Variants in SHANK2 observed in about 807,000 individuals in gnomAD.
SHANK2 encodes SH3 and multiple ankyrin repeat domains 2.
A neutral mutation model predicts 133.7 loss-of-function variants in SHANK2; 43 were observed. The observed-to-expected ratio is 0.32, with a 90% confidence interval of 0.25 to 0.41. The LOEUF (loss-of-function observed/expected upper bound fraction) is 0.41. Ranked by LOEUF, SHANK2 falls within the 10% of genes least tolerant of loss-of-function variation. The pLI is 1.00. For missense variants in SHANK2, 1,994 were observed against 2,235.8 expected (o/e 0.89, Z 2.18); for synonymous variants, 1,017 against 952.8 (o/e 1.07, Z -1.24).
chr11:71,151,724 G>A (rs1183808093), intron 2 of SHANK2, among the ~76,000 whole-genome samples: 1 of 152,236 alleles, frequency 6.6e-6, no homozygotes. Context: ...CTGGCACAGA[G>A]CAGACACGGC....
At chr11:70,682,138 C>T (rs1029000697) in intron 15 of SHANK2, among the ~76,000 whole-genome samples, 4 of 152,280 alleles carry the variant, frequency 2.6e-5, no homozygotes, top group African/African-American at 7.2e-5. Context: ...CCGACAGAAA[C>T]GCACCCTCAA....
chr11:70,744,231 G>C (rs913119661), intron 14 of SHANK2, among the ~76,000 whole-genome samples: 21 of 152,238 alleles, frequency 1.4e-4, no homozygotes, highest in Admixed American at 6.5e-4. Flanking sequence ...GGCACAGGGT[G>C]GGTCTCTGGC....
At chr11:70,847,067 G>C (rs1180534735) in intron 11 of SHANK2, among the ~76,000 whole-genome samples, 2 of 152,220 alleles carry the variant, frequency 1.3e-5, no homozygotes, top group Non-Finnish European at 2.9e-5. Flanking sequence ...ACAGAGGAGA[G>C]GTGGAGGCCC....
rs1164874374 is a variant in SHANK2 at position 71,147,230 on chromosome 11, TG to T, written c.96del (p.Ile33SerfsTer26). 1 of 1,550,798 alleles carries T rather than the reference TG, an allele frequency of 6.4e-7. No individual in the cohort carries two copies. The highest frequency in any genetic ancestry group is 8.7e-7 in the Non-Finnish European group (1 of 1,146,966). On this transcript the variant is annotated frameshift_variant, in exon 3 of 26. Coordinates refer to ENST00000601538, the MANE Select transcript of SHANK2 (RefSeq NM_012309.5). LOFTEE classifies it high-confidence loss of function. ...GCAGTGGCCCGGATCGTGTCATAGA[TG>T]GTCTCTTCTTTGGAGCTGTCTGACT... ...GSESDSSKEE[T>X]IYDTIRATAE...
intron 14 of SHANK2, among the ~76,000 whole-genome samples, chr11:70,721,054 G>T (rs1214456643): frequency 1.3e-5 from 2 of 152,244 alleles, no homozygotes; most frequent in Non-Finnish European, 2.9e-5. Context: ...AGGCAGGCCT[G>T]AGGTGAGATC....
At chr11:71,062,952 G>A (rs1041541082) in intron 9 of SHANK2, among the ~76,000 whole-genome samples, 7 of 144,318 alleles carry the variant, frequency 4.9e-5, no homozygotes, top group East Asian at 2.0e-4. Context: ...AGCTGTGATC[G>A]TGCCACTGCA....
intron 14 of SHANK2, among the ~76,000 whole-genome samples, chr11:70,756,152 A>G (rs1378831995): frequency 6.6e-6 from 1 of 152,092 alleles, no homozygotes; most frequent in Non-Finnish European, 1.5e-5. Flanking sequence ...CAGCTCCCCC[A>G]GAGGCAGGTT....
intron 17 of SHANK2, among the ~76,000 whole-genome samples, chr11:70,540,557 G>A (rs903176334): frequency 1.9e-4 from 8 of 42,154 alleles, no homozygotes; most frequent in South Asian, 1.1e-3. Flanking sequence ...ATTAGCGACG[G>A]GGGGTGAGCT....
intron 12 of SHANK2, among the ~76,000 whole-genome samples, chr11:70,818,949 G>A (rs1410829852): frequency 6.6e-6 from 1 of 152,246 alleles, no homozygotes; most frequent in Admixed American, 6.5e-5. Flanking sequence ...AGCTTGCCAG[G>A]TGGAGCCCCT....
intron 2 of SHANK2, among the ~76,000 whole-genome samples, chr11:71,217,287 C>T (rs1191937555): frequency 2.0e-5 from 3 of 151,790 alleles, no homozygotes; most frequent in Admixed American, 6.6e-5. Flanking sequence ...AGGTGGATCA[C>T]TTGAGGTGAG....
intron 8 of SHANK2, among the ~76,000 whole-genome samples, chr11:71,090,871 T>A (rs1410238548): frequency 6.6e-6 from 1 of 152,122 alleles, no homozygotes; most frequent in African/African-American, 2.4e-5. Context: ...TCTGGCAGAA[T>A]TCCTTCTTTC....
chr11:71,151,345 G>A lies in SHANK2; in HGVS notation c.-12-4007C>T, dbSNP rs546180233. ...TCCCAGCGCTCTTCCGGTGTGGGAAGAGCCTGCCGGGTAGCGGGGTGCACT... is the reference window on the plus strand; with the variant it reads ...TCCCAGCGCTCTTCCGGTGTGGGAAAAGCCTGCCGGGTAGCGGGGTGCACT... On this transcript the variant is annotated intron_variant, in intron 2 of 25. Transcript: ENST00000601538. Among the ~76,000 whole-genome samples the A allele has an allele frequency of 3.5e-4, 54 of 152,316 alleles. 1 individual carries two copies. The South Asian group carries it at 3.7e-3, about 11-fold the overall frequency.
chr11:71,192,870 G>A (rs563336153), intron 2 of SHANK2, among the ~76,000 whole-genome samples: 32 of 152,284 alleles, frequency 2.1e-4, no homozygotes, highest in African/African-American at 6.5e-4. Flanking sequence ...TAATTGCATC[G>A]CAGGCAGGGT....
chr11:71,151,790 C>CA (rs1555108139), intron 2 of SHANK2, among the ~76,000 whole-genome samples: 34 of 152,076 alleles, frequency 2.2e-4, no homozygotes, highest in African/African-American at 7.2e-4. Context: ...CAAGAGCAGG[C>CA]AGAGACCGTC....
At chr11:70,662,926 C>G (rs569962211) in intron 15 of SHANK2, among the ~76,000 whole-genome samples, 6 of 151,886 alleles carry the variant, frequency 4.0e-5, no homozygotes, top group Non-Finnish European at 8.8e-5. Flanking sequence ...CTACCGGCAC[C>G]CCCCCGCCCC....
intron 17 of SHANK2, among the ~76,000 whole-genome samples, chr11:70,636,407 ATG>A (rs1565200968): frequency 6.6e-6 from 1 of 151,678 alleles, no homozygotes; most frequent in East Asian, 1.9e-4. Context: ...GTATGCGAGC[ATG>A]TGTGAGCATG....
chr11:71,133,045 T>A (rs1952349416), intron 3 of SHANK2, among the ~76,000 whole-genome samples: 1 of 150,858 alleles, frequency 6.6e-6, no homozygotes, highest in African/African-American at 2.4e-5. Context: ...AAATGCATAC[T>A]ACAAAGGACA....
chr11:70,640,453 C>G (rs1161593537), intron 17 of SHANK2, among the ~76,000 whole-genome samples: 1 of 152,216 alleles, frequency 6.6e-6, no homozygotes, highest in Non-Finnish European at 1.5e-5. Context: ...CAGGGCCCTG[C>G]CAGGCCCTGG....
At chr11:71,181,777 G>A (rs554873738) in intron 2 of SHANK2, among the ~76,000 whole-genome samples, 7 of 152,278 alleles carry the variant, frequency 4.6e-5, no homozygotes, top group African/African-American at 1.2e-4. Context: ...AATCCTGGAC[G>A]CCGTCAGAGC....
Sources: allele counts gnomAD v4.1 joint callset (sites outside exome capture counted in the v4.1 genomes callset), GRCh38; gene constraint gnomAD v4.1.1; transcripts MANE v1.5; gene names NCBI Gene and HGNC (gene_info 2026-07-23, HGNC 2026-07-21).